Variants in ZFHX3 observed in about 807,000 individuals in gnomAD.
The protein encoded by ZFHX3 is zinc finger homeobox 3.
ZFHX3 carries 42 observed loss-of-function variants against 279.1 expected under a neutral mutation model. The observed-to-expected ratio is 0.15, with a 90% CI of 0.12 to 0.19. The LOEUF is 0.19. Ranked by LOEUF, ZFHX3 falls within the 10% of genes least tolerant of loss-of-function variation. The probability of loss-of-function intolerance (pLI) is 1.00; values close to 1 mark genes in which losing one functional copy is unlikely to be tolerated. For missense variants in ZFHX3, 4,981 were observed against 4,754.0 expected (o/e 1.05, Z -1.40); for synonymous variants, 2,293 against 1,957.8 (o/e 1.17, Z -4.52).
At chr16:73,002,850 A>G (rs1463514249) in intron 1 of ZFHX3, among the ~76,000 whole-genome samples, 2 of 152,226 alleles carry the variant, frequency 1.3e-5, no homozygotes, top group African/African-American at 4.8e-5. Flanking sequence ...TTTTAAGCAC[A>G]TATTTTCTTC....
intron 2 of ZFHX3, among the ~76,000 whole-genome samples, chr16:73,582,193 T>C (rs1259632572): frequency 6.6e-6 from 1 of 151,472 alleles, no homozygotes; most frequent in Non-Finnish European, 1.5e-5. Flanking sequence ...GTGAGAAAAA[T>C]TGTGGCACAA....
intron 3 of ZFHX3, among the ~76,000 whole-genome samples, chr16:73,454,743 C>T (rs935579912): frequency 1.3e-5 from 2 of 152,036 alleles, no homozygotes; most frequent in East Asian, 1.9e-4. Flanking sequence ...GGGAGAGGAG[C>T]GAGACTACAA....
chr16:72,878,138 G>A (rs1365599386), intron 4 of ZFHX3, among the ~76,000 whole-genome samples: 2 of 152,092 alleles, frequency 1.3e-5, no homozygotes, highest in African/African-American at 4.8e-5. Context: ...AGCCATGATT[G>A]TGCCACTGCA....
intron 1 of ZFHX3, among the ~76,000 whole-genome samples, chr16:73,812,033 C>A (rs1960443303): frequency 6.6e-6 from 1 of 152,138 alleles, no homozygotes; most frequent in Admixed American, 6.5e-5. Context: ...ATAACCTACC[C>A]CCAAGGTTAT....
At chr16:73,553,803 T>A (rs1262597209) in intron 2 of ZFHX3, among the ~76,000 whole-genome samples, 2 of 152,178 alleles carry the variant, frequency 1.3e-5, no homozygotes, top group Non-Finnish European at 2.9e-5. Flanking sequence ...TTTTCCTGCT[T>A]CTAGGTGCCA....
intron 7 of ZFHX3, among the ~76,000 whole-genome samples, chr16:72,802,259 TGTGAATGACG>T (rs753366587): frequency 5.9e-5 from 9 of 151,812 alleles, no homozygotes; most frequent in Admixed American, 1.3e-4. Context: ...GTCAATCAAG[TGTGAATGACG>T]GCAAAAAAGA....
At chr16:73,338,260 G>A (rs975717816) in intron 3 of ZFHX3, among the ~76,000 whole-genome samples, 2 of 152,032 alleles carry the variant, frequency 1.3e-5, no homozygotes, top group Non-Finnish European at 1.5e-5. Context: ...AAGGAGTCTT[G>A]TCACCCACTG....
rs1270466786 is a variant in ZFHX3, at chr16:73,057,547, AAAAG to A, written c.-24+979_-24+982del. Among the ~76,000 whole-genome samples the A allele has an allele frequency of 1.7e-3, 255 of 150,580 alleles. No individual in the cohort carries two copies. The East Asian group carries it at 0.02, about 12-fold the overall frequency. ...AGATTCGCGAGAGCAAAAAAAAAAA[AAAAG>A]AAGAAGAAGAAGAAAGAAAAGAAAA... On this transcript the variant is annotated intron_variant, in intron 1 of 8. Coordinates refer to the ZFHX3 transcript ENST00000397992.
intron 1 of ZFHX3, among the ~76,000 whole-genome samples, chr16:73,681,576 A>C (rs2142195408): frequency 6.6e-6 from 1 of 152,288 alleles, no homozygotes; most frequent in Non-Finnish European, 1.5e-5. Flanking sequence ...AGCGTTTCTA[A>C]GCCATTCTAG....
At chr16:73,254,840 G>A (rs2013616590) in intron 5 of ZFHX3, among the ~76,000 whole-genome samples, 1 of 152,114 alleles carries the variant, frequency 6.6e-6, no homozygotes, top group Admixed American at 6.5e-5. Context: ...GGTGGAAGGG[G>A]AAATAGAATA....
intron 1 of ZFHX3, among the ~76,000 whole-genome samples, chr16:73,803,732 AC>A (rs1937574600): frequency 6.6e-6 from 1 of 152,256 alleles, no homozygotes; most frequent in Non-Finnish European, 1.5e-5. Flanking sequence ...TGTTCTTTAT[AC>A]GTTAGTAAGT....
chr16:73,647,411 C>CAACA (rs1483132652), intron 2 of ZFHX3, among the ~76,000 whole-genome samples: 1 of 152,126 alleles, frequency 6.6e-6, no homozygotes, highest in East Asian at 1.9e-4. Context: ...CTTTGCTGTT[C>CAACA]TCGTGATAGT....
At chr16:73,434,549 G>C (rs1413193697) in intron 3 of ZFHX3, among the ~76,000 whole-genome samples, 1 of 152,114 alleles carries the variant, frequency 6.6e-6, no homozygotes, top group Admixed American at 6.5e-5. Flanking sequence ...TCAAGTTCCT[G>C]GCTTCTCTCC....
intron 1 of ZFHX3, among the ~76,000 whole-genome samples, chr16:73,769,259 T>C (rs1374417495): frequency 6.6e-6 from 1 of 152,154 alleles, no homozygotes; most frequent in African/African-American, 2.4e-5. Context: ...CTGTCACATA[T>C]GGTGCCCCCT....
At chr16:73,066,470 G>C (rs1290029084) in intron 8 of ZFHX3, among the ~76,000 whole-genome samples, 2 of 152,196 alleles carry the variant, frequency 1.3e-5, no homozygotes, top group African/African-American at 4.8e-5. Flanking sequence ...AGGAAGCCTC[G>C]GGCCCTCCGG....
At chr16:72,800,312 C>G (rs974909901) in intron 7 of ZFHX3, among the ~76,000 whole-genome samples, 183 bp from the exon 8 acceptor site, 1 of 152,198 alleles carries the variant, frequency 6.6e-6, no homozygotes, top group African/African-American at 2.4e-5. Flanking sequence ...AAAAGTGTTT[C>G]TACGGTTACA....
chr16:72,952,198 C>T (rs971257123), intron 2 of ZFHX3, among the ~76,000 whole-genome samples: 1 of 152,204 alleles, frequency 6.6e-6, no homozygotes, highest in Non-Finnish European at 1.5e-5. Context: ...TGAGACCATG[C>T]CACTCAGCTC....
intron 3 of ZFHX3, among the ~76,000 whole-genome samples, chr16:73,321,413 T>A (rs533190683): frequency 6.6e-6 from 1 of 152,264 alleles, no homozygotes; most frequent in Admixed American, 6.5e-5. Flanking sequence ...TTGGGAGATT[T>A]AAATGAGGTA....
chr16:73,134,521 T>A (rs529112875), intron 6 of ZFHX3: 1 of 151,010 alleles, frequency 6.6e-6, no homozygotes, highest in South Asian at 2.1e-4. Flanking sequence ...TTTTTTTAGA[T>A]ATGGGGCCTT....
Sources: gnomAD v4.1 joint callset for allele counts (sites outside exome capture counted in the v4.1 genomes callset) on GRCh38, gnomAD v4.1.1 for gene constraint, MANE v1.5 for transcripts, NCBI Gene and HGNC (gene_info 2026-07-23, HGNC 2026-07-21) for gene names.